SLC16A10: variants seen among roughly 807,000 people sequenced by gnomAD.
The protein encoded by SLC16A10 is monocarboxylate transporter 10.
A neutral mutation model predicts 40.0 loss-of-function variants in SLC16A10; 27 were observed. That is an observed-to-expected ratio of 0.67 (90% confidence interval 0.50 to 0.93). The LOEUF is 0.93. Ranked by LOEUF, SLC16A10 falls within the 40% of genes least tolerant of loss-of-function variation. The pLI is 0.00. For missense variants in SLC16A10, 529 were observed against 658.2 expected (o/e 0.80, Z 2.15); for synonymous variants, 213 against 249.8 (o/e 0.85, Z 1.39).
chr6:111,136,305 T>C (rs1396355768), intron 1 of SLC16A10, among the ~76,000 whole-genome samples: 2 of 152,212 alleles, frequency 1.3e-5, no homozygotes, highest in African/African-American at 4.8e-5. Context: ...GGGACCAGCT[T>C]GCAACCCATG....
intron 5 of SLC16A10, among the ~76,000 whole-genome samples, chr6:111,221,022 G>C (rs1045775701): frequency 6.6e-6 from 1 of 152,062 alleles, no homozygotes; most frequent in African/African-American, 2.4e-5. Flanking sequence ...ATGCAGAATG[G>C]ATGTACACAT....
intron 1 of SLC16A10, among the ~76,000 whole-genome samples, chr6:111,162,434 G>A (rs1290552922): frequency 6.6e-6 from 1 of 152,146 alleles, no homozygotes; most frequent in Non-Finnish European, 1.5e-5. Context: ...CCACAGATTA[G>A]GAACTCTGTA....
Position 111,222,444 on chromosome 6 carries a change from G to A in SLC16A10, c.*209G>A, listed in dbSNP as rs1017463131. On this transcript the variant is annotated 3_prime_UTR_variant, in exon 6 of 6. Transcript: ENST00000368851. The stretch of plus-strand genomic sequence containing the variant: ...CCATGAGTCTGAGGGCAGAGACTCT[G>A]GTATATGAAAACGTCTGAAAGTCAC... The A allele has an allele frequency of 9.1e-6, 4 of 441,158 alleles. No homozygotes were observed. The highest frequency in any genetic ancestry group is 8.8e-5 in the African/African-American group (2 of 22,714). 27.3% of individuals were successfully genotyped at this position (441,158 alleles called of 1,614,324 possible). A position where few individuals can be genotyped will look rare whatever the true frequency, so the allele number is the denominator to read the frequency against.
At position 111,093,014 on chromosome 6, in the gene SLC16A10, A is replaced by G. The variant is rs112959011; in HGVS notation, c.343+4919A>G. Among the ~76,000 whole-genome samples the G allele has an allele frequency of 9.8e-3, 1,455 of 148,274 alleles. 4 individuals are homozygous for G. The highest frequency in any genetic ancestry group is 0.018 in the African/African-American group (710 of 40,042). ...CAAGATGGCGCCACTGTACTCCAGC[A>G]TGGGCAACAAGAGTGAAACTCCGTC... On this transcript the variant is annotated intron_variant, in intron 1 of 5. Transcript: ENST00000368851.
chr6:111,162,016 G>T (rs899596506), intron 1 of SLC16A10, among the ~76,000 whole-genome samples: 2 of 152,032 alleles, frequency 1.3e-5, no homozygotes, highest in African/African-American at 4.8e-5. Context: ...AAATAAGCAG[G>T]GTTAGTCTAA....
Position 111,184,606 on chromosome 6 carries a change from C to T in SLC16A10, c.942+6941C>T, listed in dbSNP as rs560056833. Among the ~76,000 whole-genome samples, 46 of 152,110 alleles carry T rather than the reference C, an allele frequency of 3.0e-4. 1 individual carries two copies. The highest frequency in any genetic ancestry group is 1.0e-3 in the African/African-American group (43 of 41,500). ...AAGCGATTCTTCTGCCTCAGCCTCC[C>T]GAGTAGCTGGGATTACAGGTACCTG... On this transcript the variant is annotated intron_variant, in intron 3 of 5. Coordinates refer to ENST00000368851, the MANE Select transcript of SLC16A10 (RefSeq NM_018593.5).
Position 111,124,200 on chromosome 6 carries a change from A to G in SLC16A10, c.343+36105A>G, listed in dbSNP as rs111292638. 2.5e-3 allele frequency among the ~76,000 whole-genome samples: 382 copies of G among 152,282 alleles called. 2 individuals carry two copies. Among genetic ancestry groups the G allele is most frequent in the African/African-American group, 8.7e-3 (361 of 41,568 alleles). On this transcript the variant is annotated intron_variant, in intron 1 of 5. Transcript: ENST00000368851. Reference sequence around the variant, plus strand: ...TAAACTGCAGGCAATAGGATTGGCCATAGAAATATAGGGAACTCTATGCTT... The same window carrying G: ...TAAACTGCAGGCAATAGGATTGGCCGTAGAAATATAGGGAACTCTATGCTT...
At chr6:111,185,985 G>A (rs189069996) in intron 3 of SLC16A10, among the ~76,000 whole-genome samples, 78 of 150,992 alleles carry the variant, frequency 5.2e-4, no homozygotes, top group Admixed American at 1.9e-3. Context: ...CTGTAGCTTC[G>A]ACCTCCCGGA....
At chr6:111,115,745 T>A (rs556755075) in intron 1 of SLC16A10, among the ~76,000 whole-genome samples, 1 of 152,296 alleles carries the variant, frequency 6.6e-6, no homozygotes, top group African/African-American at 2.4e-5. Context: ...TGCCTAGAGA[T>A]CTGATAAAGA....
At chr6:111,210,289 T>C (rs946079189) in intron 4 of SLC16A10, among the ~76,000 whole-genome samples, 4 of 152,286 alleles carry the variant, frequency 2.6e-5, no homozygotes, top group African/African-American at 9.6e-5. Context: ...TCTGTGTGTA[T>C]AGAGGTCCAG....
At chr6:111,138,726 T>A (rs1337816763) in intron 1 of SLC16A10, among the ~76,000 whole-genome samples, 2 of 152,110 alleles carry the variant, frequency 1.3e-5, no homozygotes, top group African/African-American at 4.8e-5. Context: ...GCTCAAGTGA[T>A]CCTCCTGCCT....
chr6:111,201,274 C>T (rs560671380), intron 3 of SLC16A10, among the ~76,000 whole-genome samples: 6 of 152,268 alleles, frequency 3.9e-5, no homozygotes, highest in African/African-American at 1.4e-4. Flanking sequence ...TAGTTAACTG[C>T]AGCAGCAGTG....
chr6:111,114,373 C>T (rs1771446707), intron 1 of SLC16A10, among the ~76,000 whole-genome samples: 3 of 152,140 alleles, frequency 2.0e-5, no homozygotes. Context: ...GCAATCCTAC[C>T]ACATCTCATA....
At position 111,221,985 on chromosome 6, in the gene SLC16A10, A is replaced by G; in HGVS notation, c.1316-18A>G. Reference sequence around the variant, plus strand: ...GCCACACTTGTTCTCCCTTGGTGACAGCTTTTTCCCTTCTCAGGGTTACTT... The same window carrying G: ...GCCACACTTGTTCTCCCTTGGTGACGGCTTTTTCCCTTCTCAGGGTTACTT... On this transcript the variant is annotated intron_variant, in intron 5 of 5. Coordinates refer to ENST00000368851, the MANE Select transcript of SLC16A10 (RefSeq NM_018593.5). The G allele has an allele frequency of 9.4e-6, 15 of 1,591,464 alleles. No individual in the cohort carries two copies. The highest frequency in any genetic ancestry group is 1.3e-5 in the Non-Finnish European group (15 of 1,173,990).
chr6:111,145,450 A>G (rs1267630200), intron 1 of SLC16A10, among the ~76,000 whole-genome samples: 1 of 152,250 alleles, frequency 6.6e-6, no homozygotes, highest in Non-Finnish European at 1.5e-5. Context: ...ATATATTATT[A>G]AGATAAAAAG....
At chr6:111,176,824 C>A (rs1236788265) in intron 2 of SLC16A10, among the ~76,000 whole-genome samples, 1 of 152,068 alleles carries the variant, frequency 6.6e-6, no homozygotes, top group Non-Finnish European at 1.5e-5. Flanking sequence ...TTCATTGAGA[C>A]TAGGTTTTTG....
chr6:111,130,723 C>G (rs1246031078), intron 1 of SLC16A10, among the ~76,000 whole-genome samples: 2 of 152,208 alleles, frequency 1.3e-5, no homozygotes, highest in Non-Finnish European at 2.9e-5. Context: ...CATGCTCCCA[C>G]CTGCCCATCT....
chr6:111,170,989 T>TCC (rs1772575576), intron 1 of SLC16A10, among the ~76,000 whole-genome samples: 1 of 151,906 alleles, frequency 6.6e-6, no homozygotes, highest in Non-Finnish European at 1.5e-5. Flanking sequence ...GATACAAAAA[T>TCC]TAGCTGGTGT....
chr6:111,159,033 A>G (rs1772322986), intron 1 of SLC16A10, among the ~76,000 whole-genome samples: 1 of 132,860 alleles, frequency 7.5e-6, no homozygotes, highest in Admixed American at 9.2e-5. Flanking sequence ...CTGCCACTAC[A>G]CTCCAGTCTA....
Sources: gnomAD v4.1 joint callset for allele counts (sites outside exome capture counted in the v4.1 genomes callset) on GRCh38, gnomAD v4.1.1 for gene constraint, MANE v1.5 for transcripts, NCBI Gene and HGNC (gene_info 2026-07-23, HGNC 2026-07-21) for gene names.